The following MDM1 variants were observed in gnomAD, a reference collection of about 807,000 sequenced individuals.
MDM1 encodes the protein stabilizer of axonemal microtubules 6, also known as Mdm1 nuclear protein.
A neutral mutation model predicts 89.1 loss-of-function variants in MDM1; 61 were observed. The ratio of observed to expected loss-of-function variants is 0.68; its 90% CI spans 0.56 to 0.85. The LOEUF is 0.85. Ranked by LOEUF, MDM1 falls within the 40% of genes least tolerant of loss-of-function variation. MDM1 has a pLI of 0.00. For synonymous variants in MDM1, 290 were observed against 294.1 expected (o/e 0.99, Z 0.14); for missense variants, 820 against 846.5 (o/e 0.97, Z 0.39).
chr12:68,324,412 G>T (rs1006380200), intron 4 of MDM1, among the ~76,000 whole-genome samples: 1 of 152,040 alleles, frequency 6.6e-6, no homozygotes, highest in Non-Finnish European at 1.5e-5. Flanking sequence ...TTAATAAAGG[G>T]TATTTATCAC....
At chr12:68,299,946 G>C (rs1448685814) in intron 13 of MDM1, among the ~76,000 whole-genome samples, 1 of 152,120 alleles carries the variant, frequency 6.6e-6, no homozygotes, top group Non-Finnish European at 1.5e-5. Flanking sequence ...AAAAGCATCA[G>C]GTAACTTACA....
chr12:68,298,234 G>A (rs1871670574), intron 13 of MDM1, among the ~76,000 whole-genome samples: 1 of 152,112 alleles, frequency 6.6e-6, no homozygotes, highest in African/African-American at 2.4e-5. Flanking sequence ...GCTGACCAGT[G>A]GTCCTGAATC....
In MDM1 at chr12:68,302,667, G is replaced by A. The variant is rs1216097686; in HGVS notation, c.1955C>T (p.Ser652Phe). Residue 652 changes from serine to phenylalanine, a missense_variant, in exon 13 of 15, where the codon TCT becomes TTT. Ser to Phe is a radical substitution (Grantham distance 155). Coordinates refer to ENST00000682720, the MANE Select transcript of MDM1 (RefSeq NM_001354969.2). ...TCTAAGAGAGCCCTGAATTCGTCGA[G>A]AGGGATGCCAGTAGGATGGAACATG... ...PPHVPSYWHPSRRIQGSLRDP... is the reference protein window; with the variant it reads ...PPHVPSYWHPFRRIQGSLRDP... 2 of 1,613,924 alleles carry A rather than the reference G, an allele frequency of 1.2e-6. No individual in the cohort carries two copies. Among genetic ancestry groups the A allele is most frequent in the East Asian group, 4.5e-5 (2 of 44,882 alleles).
At chr12:68,303,395 T>C (rs61923288) in intron 12 of MDM1, among the ~76,000 whole-genome samples, 47,831 of 151,932 alleles carry the variant, frequency 0.31, 8,544 homozygotes, top group Admixed American at 0.38. Context: ...GGCAACCTCA[T>C]AGACTGCTAT....
chr12:68,318,928 C>T (rs1384588953), intron 7 of MDM1, among the ~76,000 whole-genome samples: 1 of 152,142 alleles, frequency 6.6e-6, no homozygotes, highest in Non-Finnish European at 1.5e-5. Flanking sequence ...CAAAAACCAT[C>T]CCCCCAAAAT....
chr12:68,298,248 C>G (rs1871673334), intron 13 of MDM1, among the ~76,000 whole-genome samples: 1 of 152,184 alleles, frequency 6.6e-6, no homozygotes, highest in Non-Finnish European at 1.5e-5. Flanking sequence ...CTGAATCTGT[C>G]TACGTGACAA....
rs1872308448 is a variant in MDM1 at position 68,302,532 on chromosome 12, T to A, written c.2002+88A>T. On this transcript the variant is annotated intron_variant, in intron 13 of 14. Transcript: ENST00000682720. ...AACCAAAAATACTAAATAACTGATT[T>A]ATTAACATAAAATGCATTCTTAGAC... is the stretch of plus-strand genomic sequence containing the variant. The A allele has an allele frequency of 4.3e-6, 5 of 1,157,466 alleles. No individual in the cohort carries two copies. The South Asian group carries it at 9.9e-5, about 23-fold the overall frequency. 71.7% of individuals were successfully genotyped at this position (1,157,466 alleles called of 1,614,324 possible).
rs972829972 is a variant in MDM1 at position 68,315,637 on chromosome 12, T to A, written c.1212-372A>T. 2.6e-5 allele frequency among the ~76,000 whole-genome samples: 4 copies of A among 152,216 alleles called. No homozygotes were observed. In the East Asian group the frequency reaches 7.7e-4, roughly 29 times the overall value. ...TTCACTTACAGATAATTAAATCATG[T>A]TCATTTTAACCCAGAACAGCAGAGC... On this transcript the variant is annotated intron_variant, in intron 9 of 14. Transcript: ENST00000682720.
At chr12:68,300,508 A>T (rs1565764371) in intron 13 of MDM1, among the ~76,000 whole-genome samples, 1 of 152,180 alleles carries the variant, frequency 6.6e-6, no homozygotes, top group Non-Finnish European at 1.5e-5. Flanking sequence ...AGCAAGCAGG[A>T]GTCTTATATC....
intron 3 of MDM1, chr12:68,326,303 T>C (rs1875967055): frequency 7.6e-7 from 1 of 1,308,320 alleles, no homozygotes; most frequent in Non-Finnish European, 9.7e-7. Context: ...AGGGGCTAGG[T>C]AGAAGTCAGC....
intron 3 of MDM1, chr12:68,325,941 TGCCA>T (rs1875906020): frequency 1.0e-6 from 1 of 997,052 alleles, no homozygotes; most frequent in African/African-American, 1.7e-5. Context: ...TTCTCCTGCC[TGCCA>T]GACTCACACA....
intron 13 of MDM1, among the ~76,000 whole-genome samples, chr12:68,298,299 C>T (rs1259504283): frequency 1.3e-5 from 2 of 152,140 alleles, no homozygotes; most frequent in East Asian, 1.9e-4. Context: ...AAGCCAGCAC[C>T]CTAAGCCTAT....
chr12:68,308,686 CCTG>C (rs1873259639), intron 12 of MDM1, among the ~76,000 whole-genome samples: 2 of 152,176 alleles, frequency 1.3e-5, no homozygotes, highest in South Asian at 4.1e-4. Context: ...GGGATTTTGA[CCTG>C]ATTATCAATA....
intron 5 of MDM1, 146 bp downstream of exon 5, chr12:68,322,927 T>C (rs1483987630): frequency 7.1e-6 from 5 of 705,614 alleles, no homozygotes; most frequent in Non-Finnish European, 1.1e-5. Flanking sequence ...CTGCTCCTAG[T>C]AGCTGGCTCA....
Position 68,323,169 on chromosome 12 carries a change from T to C in MDM1, c.705A>G (p.Lys235=). 1 of 1,611,068 alleles carries C rather than the reference T, an allele frequency of 6.2e-7. No homozygotes were observed. Among genetic ancestry groups the C allele is most frequent in the Non-Finnish European group, 8.5e-7 (1 of 1,179,078 alleles). ...CTGGAGATAAACCCTTGAAATTTCT[T>C]TTGTATTCAGTTTCATGGATGACTG... ...GNSVIHETEY[K]RNFKGLSPVK... is the part of the protein sequence containing the mutation. Residue 235 remains lysine, a synonymous_variant, in exon 5 of 15, where the codon AAA becomes AAG. Coordinates refer to ENST00000682720, the MANE Select transcript of MDM1 (RefSeq NM_001354969.2).
intron 12 of MDM1, among the ~76,000 whole-genome samples, chr12:68,305,290 T>A (rs563076454): frequency 6.6e-6 from 1 of 152,140 alleles, no homozygotes; most frequent in South Asian, 2.1e-4. Context: ...GAGCCATCTA[T>A]GACAAACCCA....
rs182129975 is a variant in MDM1, at chr12:68,300,629, A to G, written c.2002+1991T>C. ...GTATTACAGTCAGTCCTACATTTAT[A>G]TGCACCTAACACTGGAGTTCCCACA... is the stretch of plus-strand genomic sequence containing the variant. On this transcript the variant is annotated intron_variant, in intron 13 of 14. Transcript: ENST00000682720. Among the ~76,000 whole-genome samples, 439 of 152,334 alleles carry G rather than the reference A, an allele frequency of 2.9e-3. 2 individuals are homozygous for G. Among genetic ancestry groups the G allele is most frequent in the Non-Finnish European group, 5.2e-3 (355 of 68,028 alleles).
At chr12:68,313,103 T>C (rs11177160) in intron 12 of MDM1, among the ~76,000 whole-genome samples, 26,588 of 152,186 alleles carry the variant, frequency 0.17, 2,803 homozygotes, top group Middle Eastern at 0.33. Context: ...ATGGCTATGA[T>C]TTTTGTCTGT....
chr12:68,295,001 T>G lies in MDM1; in HGVS notation c.*253A>C, dbSNP rs1871186378. The G allele has an allele frequency of 4.3e-6, 1 of 230,026 alleles. No individual in the cohort carries two copies. The allele number at this position is 230,026 out of a possible 1,614,324, so 14.2% of individuals were successfully genotyped here. On this transcript the variant is annotated 3_prime_UTR_variant, in exon 15 of 15. Transcript: ENST00000682720. ...TAGGTGAAAATCTATCCATGACACC[T>G]ATTACGAAAGTTACATGTGAAGAAT... is the stretch of plus-strand genomic sequence containing the variant.
Sources: gnomAD v4.1 joint callset for allele counts (sites outside exome capture counted in the v4.1 genomes callset) on GRCh38, gnomAD v4.1.1 for gene constraint, MANE v1.5 for transcripts, NCBI Gene and HGNC (gene_info 2026-07-23, HGNC 2026-07-21) for gene names.